The following POLR3G variants were observed in gnomAD, a reference collection of about 807,000 sequenced individuals.
The protein encoded by POLR3G is DNA-directed RNA polymerase III subunit RPC7.
Under a neutral mutation model 30.1 loss-of-function variants are expected in POLR3G, and 28 were observed. That is an observed-to-expected ratio of 0.93 (90% confidence interval 0.69 to 1.27). The LOEUF (loss-of-function observed/expected upper bound fraction) is 1.27, where lower values mean the gene tolerates loss of function less well. Ranked by LOEUF, POLR3G falls within the 50% of genes most tolerant of loss-of-function variation. POLR3G has a pLI of 0.00. For synonymous variants in POLR3G, 79 were observed against 82.5 expected, an observed-to-expected ratio of 0.96 and a Z score of 0.23; for missense variants, 254 against 264.6, an observed-to-expected ratio of 0.96 and a Z score of 0.28.
intron 1 of POLR3G, among the ~76,000 whole-genome samples, chr5:90,484,349 G>A (rs1257126345): frequency 1.3e-5 from 2 of 152,144 alleles, no homozygotes; most frequent in Non-Finnish European, 2.9e-5. Context: ...TCATTCTAAT[G>A]GCAGCCAGGG....
At chr5:90,484,647 C>A (rs1466554042) in intron 1 of POLR3G, among the ~76,000 whole-genome samples, 2 of 152,128 alleles carry the variant, frequency 1.3e-5, no homozygotes, top group Non-Finnish European at 2.9e-5. Flanking sequence ...TGAGTAGATT[C>A]AGAAATGAGA....
intron 6 of POLR3G, 75 bp from the exon 7 acceptor site, chr5:90,506,453 G>A: frequency 6.6e-7 from 1 of 1,505,322 alleles, no homozygotes; most frequent in Non-Finnish European, 8.9e-7. Flanking sequence ...ATAGATAACT[G>A]TTCCCTTAAG....
At chr5:90,510,374 G>A (rs1003735062) in intron 7 of POLR3G, among the ~76,000 whole-genome samples, 2 of 150,802 alleles carry the variant, frequency 1.3e-5, no homozygotes, top group Non-Finnish European at 1.5e-5. Context: ...GTGAGACTGC[G>A]TCTCAAAGAA....
At chr5:90,494,201 T>G (rs1024175426) in intron 3 of POLR3G, among the ~76,000 whole-genome samples, 1 of 152,236 alleles carries the variant, frequency 6.6e-6, no homozygotes, top group Non-Finnish European at 1.5e-5. Context: ...CATAATGTTT[T>G]CAAGGTTCAT....
In POLR3G at chr5:90,491,813, A is replaced by G. The variant is rs1751739953; in HGVS notation, c.247+3684A>G. Among the ~76,000 whole-genome samples the G allele has an allele frequency of 3.3e-5, 5 of 152,154 alleles. No individual in the cohort carries two copies. In the South Asian group the frequency reaches 1.0e-3, roughly 32 times the overall value. ...CAGACATTCCCCACTATGCTGAAAA[A>G]AAGAATAAATTTAAAAAATGGGAGA... On this transcript the variant is annotated intron_variant, in intron 3 of 7. Coordinates refer to ENST00000651687, the MANE Select transcript of POLR3G (RefSeq NM_006467.3).
intron 1 of POLR3G, among the ~76,000 whole-genome samples, chr5:90,480,491 C>T (rs1196724577): frequency 6.6e-6 from 1 of 152,148 alleles, no homozygotes; most frequent in East Asian, 1.9e-4. Context: ...TTCATACACC[C>T]AAAGATTGCT....
intron 1 of POLR3G, among the ~76,000 whole-genome samples, chr5:90,485,162 A>AAATTAT (rs1751373232): frequency 2.6e-5 from 4 of 152,210 alleles, no homozygotes; most frequent in Middle Eastern, 3.2e-3. Context: ...GACTAATGAT[A>AAATTAT]GTTTTTATGT....
intron 1 of POLR3G, among the ~76,000 whole-genome samples, chr5:90,485,138 C>G (rs1751370782): frequency 6.6e-6 from 1 of 152,122 alleles, no homozygotes; most frequent in Non-Finnish European, 1.5e-5. Context: ...CATTTAAAGT[C>G]TTAAAGTATA....
At chr5:90,474,172 C>T (rs1258274584), upstream of POLR3G, 1 of 1,604,038 alleles carries the variant, frequency 6.2e-7, no homozygotes, top group Non-Finnish European at 8.5e-7. Context: ...ATCACCACGT[C>T]CTGCTCGGAG....
In POLR3G at chr5:90,485,505, TA is replaced by T; in HGVS notation, c.-43-17del. 2 of 1,131,902 alleles carry T rather than the reference TA, an allele frequency of 1.8e-6. No homozygotes were observed. The highest frequency in any genetic ancestry group is 2.8e-5 in the South Asian group (2 of 72,336). The allele number at this position is 1,131,902 out of a possible 1,614,324, so 70.1% of individuals were successfully genotyped here. A position where few individuals can be genotyped will look rare whatever the true frequency, so the allele number is the denominator to read the frequency against. ...GATTTCTTTTTTATATGTGATCCAG[TA>T]AATCGTAATCATTAATAGTGCCTTT... On this transcript the variant is annotated intron_variant, in intron 1 of 7. Transcript: ENST00000651687.
chr5:90,504,777 A>G (rs891106788), intron 6 of POLR3G, among the ~76,000 whole-genome samples: 3 of 152,188 alleles, frequency 2.0e-5, no homozygotes, highest in African/African-American at 4.8e-5. Context: ...ATATTAACAT[A>G]CCATCAAATA....
chr5:90,506,767 A>G, intron 7 of POLR3G, 93 bp downstream of exon 7: 2 of 1,391,640 alleles, frequency 1.4e-6, no homozygotes, highest in Non-Finnish European at 1.9e-6. Flanking sequence ...ATAAACAGAA[A>G]CCAAGATGAT....
At chr5:90,510,749 A>G (rs530095458) in intron 7 of POLR3G, among the ~76,000 whole-genome samples, 5 of 152,276 alleles carry the variant, frequency 3.3e-5, no homozygotes, top group South Asian at 4.2e-4. Context: ...GCAGAAACTT[A>G]AAGTATCTAG....
intron 1 of POLR3G, among the ~76,000 whole-genome samples, chr5:90,476,984 C>G (rs1750856524): frequency 1.3e-5 from 2 of 152,150 alleles, no homozygotes; most frequent in Admixed American, 6.5e-5. Flanking sequence ...GTTTTGTTCA[C>G]TACTGTATTC....
intron 5 of POLR3G, among the ~76,000 whole-genome samples, chr5:90,500,982 C>T (rs1206580178): frequency 2.0e-5 from 3 of 151,968 alleles, no homozygotes; most frequent in South Asian, 2.1e-4. Context: ...TTCTCTAGAC[C>T]CTGCACTTTC....
chr5:90,480,767 A>C (rs894250254), intron 1 of POLR3G, among the ~76,000 whole-genome samples: 38 of 152,294 alleles, frequency 2.5e-4, no homozygotes, highest in Middle Eastern at 3.4e-3. Context: ...AGTAGTGGCA[A>C]ATCCTGGACT....
rs539095688 is a variant in POLR3G, at chr5:90,480,858, C to G, written c.-43-4667C>G. 1.6e-3 allele frequency among the ~76,000 whole-genome samples: 245 copies of G among 152,282 alleles called. 2 individuals are homozygous for G. The highest frequency in any genetic ancestry group is 5.8e-3 in the African/African-American group (242 of 41,556). Reference sequence around the variant, plus strand: ...AGAGTGAAAGGTGTGACCCCTTCTGCTCAGCAGTTTTGATACTTGGGAGAT... The same window carrying G: ...AGAGTGAAAGGTGTGACCCCTTCTGGTCAGCAGTTTTGATACTTGGGAGAT... On this transcript the variant is annotated intron_variant, in intron 1 of 7. Coordinates refer to ENST00000651687, the MANE Select transcript of POLR3G (RefSeq NM_006467.3).
At chr5:90,504,454 C>T (rs1475092887) in intron 6 of POLR3G, among the ~76,000 whole-genome samples, 3 of 151,422 alleles carry the variant, frequency 2.0e-5, no homozygotes, top group Non-Finnish European at 2.9e-5. Context: ...CCCAGTTACT[C>T]GGGAGGCTGA....
At chr5:90,498,288 T>C (rs1050119741) in intron 5 of POLR3G, among the ~76,000 whole-genome samples, 1 of 152,200 alleles carries the variant, frequency 6.6e-6, no homozygotes, top group Non-Finnish European at 1.5e-5. Flanking sequence ...AATTTTTAAA[T>C]GTTTTATCTT....
Sources: gnomAD v4.1 joint callset for allele counts (sites outside exome capture counted in the v4.1 genomes callset) on GRCh38, gnomAD v4.1.1 for gene constraint, MANE v1.5 for transcripts, NCBI Gene and HGNC (gene_info 2026-07-23, HGNC 2026-07-21) for gene names.